The following GALNT13 variants were observed in gnomAD, a reference collection of about 807,000 sequenced individuals.
GALNT13 encodes polypeptide N-acetylgalactosaminyltransferase 13, also known as UDP-GalNAc:polypeptide N-acetylgalactosaminyltransferase 13.
A neutral mutation model predicts 64.2 loss-of-function variants in GALNT13; 28 were observed. The observed-to-expected ratio is 0.44, with a 90% confidence interval of 0.32 to 0.60. The LOEUF (loss-of-function observed/expected upper bound fraction) is 0.60. Among genes scored for constraint, GALNT13 ranks in the 20% least tolerant of loss-of-function variants. GALNT13 has a pLI of 0.05. For synonymous variants in GALNT13, 214 were observed against 224.6 expected (o/e 0.95, Z 0.42); for missense variants, 577 against 669.8 (o/e 0.86, Z 1.53).
chr2:154,395,960 A>G (rs777393838), intron 9 of GALNT13, 31 bp from the exon 10 acceptor site: 1 of 1,564,372 alleles, frequency 6.4e-7, no homozygotes, highest in Admixed American at 2.0e-5. Context: ...AAATAGCACA[A>G]ACTGATTTGT....
In GALNT13 at chr2:154,287,098, A is replaced by G. The variant is rs910464104; in HGVS notation, c.976-14311A>G. 4.9e-6 allele frequency: 5 copies of G among 1,015,672 alleles called. No homozygotes were observed. In the African/African-American group the frequency reaches 7.8e-5, roughly 16 times the overall value. The allele number at this position is 1,015,672 out of a possible 1,614,324, so 62.9% of individuals were successfully genotyped here. ...TCCACCCACCTTTGGGCAAGCAGCC[A>G]CCTTTGGATGGCATGTCCTTGACAC... On this transcript the variant is annotated intron_variant, in intron 8 of 12. Transcript: ENST00000392825.
chr2:153,095,334 A>G, the GALNT13 span, among the ~76,000 whole-genome samples: 3 of 152,218 alleles, frequency 2.0e-5, no homozygotes, highest in Non-Finnish European at 4.4e-5. Context: ...CAAAACCACA[A>G]TGAGATGCCA....
chr2:153,271,334 CTGTT>C, the GALNT13 span, among the ~76,000 whole-genome samples: 1 of 152,204 alleles, frequency 6.6e-6, no homozygotes, highest in Non-Finnish European at 1.5e-5. Flanking sequence ...CAAATTGTCT[CTGTT>C]TGCAGATGAC....
chr2:153,811,492 T>A, the GALNT13 span, among the ~76,000 whole-genome samples: 5,746 of 152,314 alleles, frequency 0.038, 158 homozygotes, highest in East Asian at 0.13. Context: ...GTCTTATTTG[T>A]GTTCTGATTT....
At chr2:154,144,867 T>A (rs1683474346) in intron 4 of GALNT13, among the ~76,000 whole-genome samples, 2 of 151,882 alleles carry the variant, frequency 1.3e-5, no homozygotes, top group African/African-American at 2.4e-5. Flanking sequence ...AAAAATTTAC[T>A]TAAAGTATTT....
At chr2:153,354,226 A>G in the GALNT13 span, 1 of 152,222 alleles carries the variant, frequency 6.6e-6, no homozygotes, top group African/African-American at 2.4e-5. Context: ...TGGTTTCAGA[A>G]ACAGTTTGAC....
chr2:154,154,840 A>C (rs1684304107), intron 4 of GALNT13, among the ~76,000 whole-genome samples: 1 of 152,096 alleles, frequency 6.6e-6, no homozygotes, highest in Non-Finnish European at 1.5e-5. Context: ...TTTCCAGAAT[A>C]GGTGACTTAC....
At chr2:154,144,402 T>A (rs1683446156) in intron 4 of GALNT13, among the ~76,000 whole-genome samples, 1 of 152,180 alleles carries the variant, frequency 6.6e-6, no homozygotes, top group East Asian at 1.9e-4. Flanking sequence ...AGTTTTTGGA[T>A]AATTATATCT....
At chr2:154,271,046 C>T (rs568828600) in intron 8 of GALNT13, among the ~76,000 whole-genome samples, 1 of 151,926 alleles carries the variant, frequency 6.6e-6, no homozygotes, top group South Asian at 2.1e-4. Context: ...ACACAAGATG[C>T]AGGGATGTAG....
chr2:153,456,780 C>A, the GALNT13 span, among the ~76,000 whole-genome samples: 3 of 152,122 alleles, frequency 2.0e-5, no homozygotes, highest in African/African-American at 7.2e-5. Context: ...AGTATCAGAA[C>A]CAGGATTTGA....
intron 3 of GALNT13, among the ~76,000 whole-genome samples, chr2:154,006,312 T>C (rs112985618): frequency 4.5e-4 from 68 of 152,290 alleles, no homozygotes; most frequent in African/African-American, 1.5e-3. Context: ...TTTTGCTAAA[T>C]GTCCTTGGGG....
At chr2:153,533,764 T>G in the GALNT13 span, among the ~76,000 whole-genome samples, 1 of 144,060 alleles carries the variant, frequency 6.9e-6, no homozygotes, top group Non-Finnish European at 1.5e-5. Context: ...GTTTAGGTAG[T>G]ATCTATTGGT....
At chr2:153,966,258 T>C (rs146716225) in intron 3 of GALNT13, among the ~76,000 whole-genome samples, 3 of 149,452 alleles carry the variant, frequency 2.0e-5, no homozygotes, top group Non-Finnish European at 4.4e-5. Context: ...ATGTTGAATA[T>C]GTCATCCCAT....
At chr2:153,363,965 T>C in the GALNT13 span, among the ~76,000 whole-genome samples, 1 of 152,178 alleles carries the variant, frequency 6.6e-6, no homozygotes, top group Admixed American at 6.5e-5. Flanking sequence ...ATATTTCTGA[T>C]GAACATCAAC....
At chr2:153,567,995 A>G in the GALNT13 span, among the ~76,000 whole-genome samples, 1 of 152,178 alleles carries the variant, frequency 6.6e-6, no homozygotes, top group Admixed American at 6.5e-5. Flanking sequence ...TAGCTTCCTG[A>G]GGCTTCTTTT....
At chr2:153,434,196 A>AT in the GALNT13 span, among the ~76,000 whole-genome samples, 1 of 152,138 alleles carries the variant, frequency 6.6e-6, no homozygotes, top group Non-Finnish European at 1.5e-5. Flanking sequence ...TCCATGGTGT[A>AT]TATGTGCCAC....
At chr2:153,460,869 G>C in the GALNT13 span, among the ~76,000 whole-genome samples, 1 of 152,048 alleles carries the variant, frequency 6.6e-6, no homozygotes, top group African/African-American at 2.4e-5. Context: ...TTAAATTGGG[G>C]ACTTGTATGA....
the GALNT13 span, among the ~76,000 whole-genome samples, chr2:153,408,575 T>C: frequency 8.5e-5 from 13 of 152,090 alleles, no homozygotes; most frequent in Non-Finnish European, 1.5e-4. Context: ...AAAACTGAAA[T>C]GATTCTACAC....
chr2:153,580,485 G>A, the GALNT13 span, among the ~76,000 whole-genome samples: 1 of 152,104 alleles, frequency 6.6e-6, no homozygotes, highest in African/African-American at 2.4e-5. Flanking sequence ...TGCCAGGTGA[G>A]AACGCCAAGA....
Sources: gnomAD v4.1 joint callset for allele counts (sites outside exome capture counted in the v4.1 genomes callset) on GRCh38, gnomAD v4.1.1 for gene constraint, MANE v1.5 for transcripts, NCBI Gene and HGNC (gene_info 2026-07-23, HGNC 2026-07-21) for gene names.